Variants in NCBP1 observed in about 807,000 individuals in gnomAD.
The protein encoded by NCBP1 is nuclear cap-binding protein subunit 1.
In NCBP1, 16 loss-of-function variants were observed where a neutral mutation model predicts 111.7. That is an observed-to-expected ratio of 0.14 (90% CI 0.10 to 0.22). NCBP1 has a LOEUF of 0.22. Ranked by LOEUF, NCBP1 falls within the 10% of genes least tolerant of loss-of-function variation. The pLI, the probability that NCBP1 is intolerant of heterozygous loss-of-function variation, is 1.00. For missense variants in NCBP1, 607 were observed against 957.5 expected (o/e 0.63, Z 4.83); for synonymous variants, 304 against 314.3 (o/e 0.97, Z 0.35).
intron 1 of NCBP1, chr9:97,636,020 A>C (rs1030537763): frequency 6.6e-6 from 1 of 152,180 alleles, no homozygotes; most frequent in Non-Finnish European, 1.5e-5. Context: ...ATCACTGTCC[A>C]TTTGGGTCTT....
intron 1 of NCBP1, among the ~76,000 whole-genome samples, chr9:97,637,190 AG>A (rs145710289): frequency 6.6e-6 from 1 of 152,144 alleles, no homozygotes; most frequent in Non-Finnish European, 1.5e-5. Flanking sequence ...TCAAAGATTA[AG>A]GGGGGTAGGA....
At chr9:97,636,568 A>G (rs1397379712) in intron 1 of NCBP1, among the ~76,000 whole-genome samples, 1 of 145,594 alleles carries the variant, frequency 6.9e-6, no homozygotes, top group Non-Finnish European at 1.5e-5. Context: ...ATATAAATAT[A>G]TACTCTAATA....
chr9:97,647,834 TC>T (rs956543080), intron 7 of NCBP1, among the ~76,000 whole-genome samples, 173 bp from the exon 8 acceptor site: 4 of 152,200 alleles, frequency 2.6e-5, no homozygotes, highest in African/African-American at 9.7e-5. Context: ...AACAGACAGT[TC>T]CAAACAGGTA....
intron 14 of NCBP1, among the ~76,000 whole-genome samples, chr9:97,657,981 C>T (rs957690973): frequency 7.7e-6 from 1 of 130,708 alleles, no homozygotes. Context: ...CCCTTATTTT[C>T]TAGAACAACA....
Position 97,660,947 on chromosome 9 carries a change from T to G in NCBP1, c.1479T>G (p.Asn493Lys), listed in dbSNP as rs1261046976. The G allele has an allele frequency of 6.2e-7, 1 of 1,608,706 alleles. No homozygotes were observed. The highest frequency in any genetic ancestry group is 1.1e-5 in the South Asian group (1 of 90,458). Residue 493 changes from asparagine (N) to lysine (K), a missense_variant and splice_region_variant, in exon 16 of 23, where the codon AAT becomes AAG. By Grantham distance (94) the Asn-to-Lys change is moderately conservative (BLOSUM62 0). Transcript: ENST00000375147. ...CCTTACCCCCAATTCTGTGTTTAGA[T>G]TCTCTTCCTGGACATTCTGTTGCCC... ...CIYKYGDESSNSLPGHSVALC... is the reference protein window; with the variant it reads ...CIYKYGDESSKSLPGHSVALC...
Position 97,672,141 on chromosome 9 carries a change from GA to G in NCBP1, c.*945del, listed in dbSNP as rs1828211380. On this transcript the variant is annotated 3_prime_UTR_variant, in exon 23 of 23. Coordinates refer to ENST00000375147, the MANE Select transcript of NCBP1 (RefSeq NM_002486.5). ...TTGTTTCCTGTATAGTACTGATGCT[GA>G]AATAAGATGACAGCAGTTTGTAAAA... 6.6e-6 allele frequency: 1 copy of G among 152,176 alleles called. No homozygotes were observed. The allele number at this position is 152,176 out of a possible 1,614,324, so 9.4% of individuals were successfully genotyped here. A position where few individuals can be genotyped will look rare whatever the true frequency, so the allele number is the denominator to read the frequency against.
At chr9:97,658,841 C>T in intron 15 of NCBP1, 98 bp downstream of exon 15, 1 of 924,128 alleles carries the variant, frequency 1.1e-6, no homozygotes, top group Admixed American at 2.0e-5. Flanking sequence ...TTTTTCTTTT[C>T]TTGGGGTTTA....
intron 19 of NCBP1, among the ~76,000 whole-genome samples, chr9:97,665,176 T>C (rs1424154680): frequency 6.6e-6 from 1 of 152,230 alleles, no homozygotes; most frequent in African/African-American, 2.4e-5. Flanking sequence ...AGAAATATAC[T>C]GAATTGTTAG....
intron 5 of NCBP1, 28 bp from the exon 6 acceptor site, chr9:97,645,583 T>A: frequency 1.3e-6 from 2 of 1,598,432 alleles, no homozygotes; most frequent in Non-Finnish European, 1.7e-6. Flanking sequence ...AAGCATATTT[T>A]AAACTTAACT....
chr9:97,649,402 A>G (rs1450187846), intron 8 of NCBP1, among the ~76,000 whole-genome samples: 1 of 152,180 alleles, frequency 6.6e-6, no homozygotes, highest in Non-Finnish European at 1.5e-5. Context: ...AGAGTGCAAT[A>G]TGTCCCCTCA....
chr9:97,639,561 T>TC lies in NCBP1; in HGVS notation c.35-1231dup, dbSNP rs1409337924. Among the ~76,000 whole-genome samples, 4 of 152,152 alleles carry TC rather than the reference T, an allele frequency of 2.6e-5. No individual in the cohort carries two copies. In the East Asian group the frequency reaches 7.7e-4, roughly 29 times the overall value. On this transcript the variant is annotated intron_variant, in intron 1 of 22. Coordinates refer to ENST00000375147, the MANE Select transcript of NCBP1 (RefSeq NM_002486.5). ...TAACTTGCTACTGTGTAACCATATA[T>TC]CCAACTGCAGATTTTCATTATTAAT...
In NCBP1 at chr9:97,633,917, T is replaced by C; in HGVS notation, c.34+2T>C. The C allele has an allele frequency of 6.3e-7, 1 of 1,586,782 alleles. No homozygotes were observed. Among genetic ancestry groups the C allele is most frequent in the East Asian group, 2.3e-5 (1 of 43,430 alleles). ...GGCGGCACAGCGACGAGAACGACGG[T>C]GAGTGCCTGCGGCCCGGCCACGGAG... On this transcript the variant is annotated splice_donor_variant, in intron 1 of 22. Transcript: ENST00000375147. LOFTEE classifies it high-confidence loss of function.
chr9:97,670,344 G>A (rs903943612), intron 22 of NCBP1, among the ~76,000 whole-genome samples: 34 of 152,290 alleles, frequency 2.2e-4, no homozygotes, highest in African/African-American at 7.5e-4. Context: ...ATGTGCAGGT[G>A]GTAAACTGTC....
chr9:97,654,910 C>A lies in NCBP1; in HGVS notation c.1201C>A (p.Arg401Ser). The A allele has an allele frequency of 6.2e-7, 1 of 1,611,976 alleles. No homozygotes were observed. Among genetic ancestry groups the A allele is most frequent in the Non-Finnish European group, 8.5e-7 (1 of 1,179,280 alleles). The change falls in exon 12 of 23, where the codon CGT becomes AGT. Residue 401 changes from arginine to serine, a missense_variant. Physicochemically the swap from Arg to Ser is moderately radical, Grantham distance 110. Coordinates refer to ENST00000375147, the MANE Select transcript of NCBP1 (RefSeq NM_002486.5). ...LAQATEMLYM[R>S]LDTMNTTCVD... ...ACAGGCAACTGAAATGCTATACATGCGTTTGGACACAATGAACACTACCTG... is the reference window on the plus strand; with the variant it reads ...ACAGGCAACTGAAATGCTATACATGAGTTTGGACACAATGAACACTACCTG...
At chr9:97,654,576 AAAG>A (rs199613118) in intron 11 of NCBP1, among the ~76,000 whole-genome samples, 2,114 of 152,072 alleles carry the variant, frequency 0.014, 98 homozygotes, top group East Asian at 0.13. Context: ...AAAAAAAAAA[AAAG>A]AAGCAATTTC....
chr9:97,633,939 G>A (rs779283176), intron 1 of NCBP1, 24 bp downstream of exon 1: 2 of 1,573,728 alleles, frequency 1.3e-6, no homozygotes, highest in Non-Finnish European at 1.7e-6. Context: ...GCCCGGCCAC[G>A]GAGGCCGCTC....
At chr9:97,641,777 A>T in intron 3 of NCBP1, 115 bp downstream of exon 3, 1 of 1,121,954 alleles carries the variant, frequency 8.9e-7, no homozygotes, top group South Asian at 2.9e-5. Context: ...CTTTACTTCT[A>T]TGGGGAAATT....
At chr9:97,653,308 A>G (rs1445730841) in intron 10 of NCBP1, among the ~76,000 whole-genome samples, 2 of 151,960 alleles carry the variant, frequency 1.3e-5, no homozygotes, top group Non-Finnish European at 2.9e-5. Context: ...TTTTGTAGAG[A>G]CAGAGTTTCA....
intron 3 of NCBP1, among the ~76,000 whole-genome samples, chr9:97,642,560 C>A (rs956584966): frequency 3.3e-5 from 5 of 152,018 alleles, no homozygotes; most frequent in Non-Finnish European, 4.4e-5. Context: ...AATCCTTTCC[C>A]ATACTTTTAA....
Sources: gnomAD v4.1 joint callset for allele counts (sites outside exome capture counted in the v4.1 genomes callset) on GRCh38, gnomAD v4.1.1 for gene constraint, MANE v1.5 for transcripts, NCBI Gene and HGNC (gene_info 2026-07-23, HGNC 2026-07-21) for gene names.